NRXN1: variants seen among roughly 807,000 people sequenced by gnomAD.
NRXN1 encodes neurexin-1.
Under a neutral mutation model 150.9 loss-of-function variants are expected in NRXN1, and 39 were observed. The observed-to-expected ratio is 0.26, with a 90% CI of 0.20 to 0.34. The LOEUF is 0.34. NRXN1 is among the 10% of genes least tolerant of loss of function. The probability of loss-of-function intolerance (pLI) is 1.00; values close to 1 mark genes in which losing one functional copy is unlikely to be tolerated. For missense variants in NRXN1, 1,815 were observed against 1,949.9 expected, an observed-to-expected ratio of 0.93 and a Z score of 1.30; for synonymous variants, 924 against 757.0, an observed-to-expected ratio of 1.22 and a Z score of -3.62.
intron 20 of NRXN1, among the ~76,000 whole-genome samples, chr2:50,053,871 T>A (rs757394651): frequency 6.6e-6 from 1 of 152,170 alleles, no homozygotes; most frequent in Non-Finnish European, 1.5e-5. Context: ...CCCTTTTCCC[T>A]TTTACATCAA....
At chr2:50,312,654 G>A (rs2075273659) in intron 17 of NRXN1, 1 of 476,522 alleles carries the variant, frequency 2.1e-6, no homozygotes, top group East Asian at 5.9e-5. Context: ...TGGAAGTAGG[G>A]GATCTCAGAC....
chr2:50,553,080 CTT>C, intron 8 of NRXN1, 55 bp from the exon 9 acceptor site: 1 of 1,257,360 alleles, frequency 8.0e-7, no homozygotes, highest in Non-Finnish European at 1.1e-6. Context: ...ATATCTGAAA[CTT>C]GTGAACAGCT....
chr2:50,534,850 C>A (rs773052678), intron 10 of NRXN1, among the ~76,000 whole-genome samples: 8 of 152,034 alleles, frequency 5.3e-5, no homozygotes, highest in Non-Finnish European at 1.0e-4. Context: ...AAATAGGGGG[C>A]ACCTCCTTTA....
intron 18 of NRXN1, among the ~76,000 whole-genome samples, chr2:50,126,565 T>C (rs537041860): frequency 1.3e-5 from 2 of 152,266 alleles, no homozygotes; most frequent in South Asian, 4.1e-4. Context: ...ATTTTCTGTC[T>C]TTGGAATCAG....
intron 22 of NRXN1, among the ~76,000 whole-genome samples, chr2:49,928,096 G>C (rs1669434173): frequency 6.6e-6 from 1 of 150,888 alleles, no homozygotes; most frequent in African/African-American, 2.4e-5. Flanking sequence ...ACCAATCTTA[G>C]GAAATAATAA....
At chr2:50,365,714 C>G (rs1321050436) in intron 17 of NRXN1, among the ~76,000 whole-genome samples, 2 of 151,906 alleles carry the variant, frequency 1.3e-5, no homozygotes, top group Non-Finnish European at 2.9e-5. Flanking sequence ...TTTTAATTGC[C>G]TTTTTCCCGC....
At chr2:50,726,155 C>T (rs763023520) in intron 5 of NRXN1, among the ~76,000 whole-genome samples, 17 of 152,216 alleles carry the variant, frequency 1.1e-4, no homozygotes, top group Non-Finnish European at 1.9e-4. Flanking sequence ...GTATACCTAG[C>T]GAGGACCTGT....
intron 17 of NRXN1, among the ~76,000 whole-genome samples, chr2:50,440,306 C>T (rs1193445437): frequency 6.6e-6 from 1 of 152,018 alleles, no homozygotes. Context: ...TAGAGCTGGA[C>T]TTAAGTTTGG....
chr2:49,925,283 A>C (rs1320502551), intron 22 of NRXN1, among the ~76,000 whole-genome samples: 1 of 146,280 alleles, frequency 6.8e-6, no homozygotes, highest in African/African-American at 2.5e-5. Flanking sequence ...GCCTCAACCA[A>C]AAAAAAAAAA....
intron 5 of NRXN1, among the ~76,000 whole-genome samples, chr2:50,640,090 G>A (rs942122307): frequency 2.6e-5 from 4 of 152,126 alleles, no homozygotes; most frequent in African/African-American, 9.7e-5. Context: ...GTATTCATAA[G>A]TTGTCAAATT....
chr2:50,222,320 A>G (rs1171252281), intron 18 of NRXN1, among the ~76,000 whole-genome samples: 1 of 152,030 alleles, frequency 6.6e-6, no homozygotes, highest in Non-Finnish European at 1.5e-5. Context: ...TGTAATTATT[A>G]AAATGCGAAC....
chr2:49,975,024 T>A (rs913697401), intron 21 of NRXN1, among the ~76,000 whole-genome samples: 2 of 151,620 alleles, frequency 1.3e-5, no homozygotes, highest in African/African-American at 4.8e-5. Context: ...ATACATCTGT[T>A]TCCAGTGATC....
At chr2:50,142,953 C>T (rs947964974) in intron 18 of NRXN1, among the ~76,000 whole-genome samples, 4 of 151,808 alleles carry the variant, frequency 2.6e-5, no homozygotes, top group African/African-American at 9.7e-5. Context: ...TGAACTATCA[C>T]CCTATCCCCG....
intron 17 of NRXN1, among the ~76,000 whole-genome samples, chr2:50,429,927 T>C (rs140200910): frequency 6.6e-6 from 1 of 152,194 alleles, no homozygotes; most frequent in Admixed American, 6.5e-5. Flanking sequence ...ATTATATATC[T>C]ATTATGAAAA....
chr2:50,269,548 C>T (rs548101746), intron 17 of NRXN1, among the ~76,000 whole-genome samples: 1 of 152,116 alleles, frequency 6.6e-6, no homozygotes, highest in Non-Finnish European at 1.5e-5. Flanking sequence ...ACTTTTTAAA[C>T]ATGTCAACAT....
rs772676420 is a variant in NRXN1, at chr2:50,656,406, G to C, written c.833-32791C>G. ...GAAGTCATGAAAGTGGTCTGAAGAA[G>C]TCACAAATAGGAGTTTATAAAGTTC... On this transcript the variant is annotated intron_variant, in intron 5 of 22. Coordinates refer to ENST00000401669, the MANE Select transcript of NRXN1 (RefSeq NM_001330078.2). 3.9e-6 allele frequency: 3 copies of C among 776,200 alleles called. No individual in the cohort carries two copies. In the Admixed American group the frequency reaches 5.1e-5, roughly 13 times the overall value. The allele number at this position is 776,200 out of a possible 1,614,324, so 48.1% of individuals were successfully genotyped here.
chr2:51,009,729 C>T (rs1463477884), intron 2 of NRXN1, among the ~76,000 whole-genome samples: 1 of 151,910 alleles, frequency 6.6e-6, no homozygotes, highest in Non-Finnish European at 1.5e-5. Context: ...TGAGACACAA[C>T]ACTGGCCTAT....
At chr2:50,574,351 A>T (rs76163951) in intron 8 of NRXN1, among the ~76,000 whole-genome samples, 2,184 of 152,266 alleles carry the variant, frequency 0.014, 31 homozygotes, top group Middle Eastern at 0.054. Flanking sequence ...AAAAAAAAAA[A>T]ATCTGAATTG....
intron 5 of NRXN1, among the ~76,000 whole-genome samples, chr2:50,717,380 T>C (rs1322131474): frequency 6.6e-6 from 1 of 152,168 alleles, no homozygotes; most frequent in African/African-American, 2.4e-5. Flanking sequence ...ACACAATTAT[T>C]AATGCAGATT....
Sources: gnomAD v4.1 joint callset for allele counts (sites outside exome capture counted in the v4.1 genomes callset) on GRCh38, gnomAD v4.1.1 for gene constraint, MANE v1.5 for transcripts, NCBI Gene and HGNC (gene_info 2026-07-23, HGNC 2026-07-21) for gene names.